Variants in CDK18 observed in about 807,000 individuals in gnomAD.
CDK18 encodes cyclin dependent kinase 18, also known as cyclin-dependent kinase 18.
CDK18 carries 52 observed loss-of-function variants against 62.0 expected under a neutral mutation model. The ratio of observed to expected loss-of-function variants is 0.84; its 90% confidence interval spans 0.67 to 1.06. The LOEUF is 1.06. CDK18 is among the 50% of genes least tolerant of loss of function. The pLI, the probability that CDK18 is intolerant of heterozygous loss-of-function variation, is 0.00. For missense variants in CDK18, 604 were observed against 619.9 expected, an observed-to-expected ratio of 0.97 and a Z score of 0.27; for synonymous variants, 237 against 247.0, an observed-to-expected ratio of 0.96 and a Z score of 0.38.
At chr1:205,526,650 C>T (rs1193189499) in intron 7 of CDK18, 125 bp from the exon 8 acceptor site, 15 of 1,029,480 alleles carry the variant, frequency 1.5e-5, no homozygotes, top group African/African-American at 4.7e-5. Flanking sequence ...TGGCTCGAGC[C>T]AGGGACCTGT....
rs1558783646 is a variant in CDK18 at position 205,527,475 on chromosome 1, ACTCT to A, written c.730-318_730-315del. ...GCCTGGGTGACAGAGTAAAACCCTG[ACTCT>A]AAAAGAAAAAAAAAAAAAAAAGGGA... On this transcript the variant is annotated intron_variant, in intron 8 of 15. Transcript: ENST00000429964. This position sits in a 1 kb window ranked among gnomAD's most constrained non-coding sequence, Gnocchi z 4.1. 3.1e-4 allele frequency: 76 copies of A among 248,124 alleles called. No homozygotes were observed. Among genetic ancestry groups the A allele is most frequent in the African/African-American group, 1.6e-3 (66 of 41,592 alleles). The allele number at this position is 248,124 out of a possible 1,614,324, so 15.4% of individuals were successfully genotyped here. A position where few individuals can be genotyped will look rare whatever the true frequency, so the allele number is the denominator to read the frequency against.
chr1:205,526,182 A>ACAG lies in CDK18; in HGVS notation c.571+6_571+8dup. On this transcript the variant is annotated splice_donor_region_variant and intron_variant, in intron 6 of 15. Coordinates refer to ENST00000429964, the MANE Select transcript of CDK18 (RefSeq NM_212502.3). ...GCCCTGCACTGCCATCCGAGAGGGT[A>ACAG]CAGCATCCTAGGCTCCCACGCTCCC... The ACAG allele has an allele frequency of 6.2e-7, 1 of 1,611,480 alleles. No individual in the cohort carries two copies. The highest frequency in any genetic ancestry group is 1.1e-5 in the South Asian group (1 of 90,954).
intron 1 of CDK18, among the ~76,000 whole-genome samples, chr1:205,511,624 C>T (rs1311614829): frequency 6.6e-6 from 1 of 152,222 alleles, no homozygotes; most frequent in African/African-American, 2.4e-5. Context: ...GGAATAACTA[C>T]TGCTGGTGTT....
intron 13 of CDK18, chr1:205,529,817 T>C: frequency 1.4e-6 from 2 of 1,395,910 alleles, no homozygotes; most frequent in South Asian, 1.3e-5. Flanking sequence ...CATGCCTCAG[T>C]TTCCTCAGCT....
chr1:205,530,836 G>T (rs1388248897), intron 15 of CDK18, 131 bp downstream of exon 15: 6 of 732,260 alleles, frequency 8.2e-6, no homozygotes, highest in Non-Finnish European at 1.4e-5. Context: ...GAGCAGAGAA[G>T]GGGTTGGTTT....
chr1:205,507,719 T>C (rs1667382661), intron 1 of CDK18, among the ~76,000 whole-genome samples: 2 of 150,936 alleles, frequency 1.3e-5, no homozygotes, highest in East Asian at 2.0e-4. Context: ...CTATAGTGGT[T>C]GGTGGTGCTT....
intron 1 of CDK18, among the ~76,000 whole-genome samples, chr1:205,510,076 T>C (rs1307718117): frequency 6.8e-6 from 1 of 147,806 alleles, no homozygotes; most frequent in Non-Finnish European, 1.5e-5. Flanking sequence ...CAAGACTTTG[T>C]CTCAAAAAAA....
At chr1:205,509,776 A>G (rs1667478537) in intron 1 of CDK18, among the ~76,000 whole-genome samples, 1 of 151,956 alleles carries the variant, frequency 6.6e-6, no homozygotes, top group Non-Finnish European at 1.5e-5. Context: ...TGGGAAGAGA[A>G]CTCTATTCTT....
intron 1 of CDK18, among the ~76,000 whole-genome samples, chr1:205,506,003 G>A (rs913264732): frequency 1.3e-5 from 2 of 152,142 alleles, no homozygotes; most frequent in Non-Finnish European, 2.9e-5. Flanking sequence ...AGTGAGCTTC[G>A]GCATGTTCGC....
At chr1:205,526,909 C>G (rs1488164082) in intron 8 of CDK18, 72 bp downstream of exon 8, 7 of 1,247,566 alleles carry the variant, frequency 5.6e-6, no homozygotes, top group Non-Finnish European at 8.3e-6. Context: ...GGGACCCACT[C>G]TCACCACCAG....
intron 1 of CDK18, among the ~76,000 whole-genome samples, chr1:205,519,384 C>A (rs1280245853): frequency 6.6e-6 from 1 of 152,104 alleles, no homozygotes; most frequent in Non-Finnish European, 1.5e-5. Context: ...GAGAGACATC[C>A]ACTCTGCTGT....
chr1:205,526,229 G>A, intron 6 of CDK18, 50 bp downstream of exon 6: 5 of 1,552,410 alleles, frequency 3.2e-6, no homozygotes, highest in Non-Finnish European at 4.4e-6. Context: ...AGGAGGAGGG[G>A]TTCACCAGCC....
intron 1 of CDK18, among the ~76,000 whole-genome samples, chr1:205,506,353 A>G (rs1285845002): frequency 6.6e-6 from 1 of 151,786 alleles, no homozygotes; most frequent in Non-Finnish European, 1.5e-5. Flanking sequence ...TCTGGGGTGT[A>G]CCTGACCATT....
chr1:205,523,418 G>A, intron 2 of CDK18, 65 bp from the exon 3 acceptor site: 2 of 1,599,266 alleles, frequency 1.3e-6, no homozygotes, highest in East Asian at 2.2e-5. Context: ...CTGGGGGAGG[G>A]GGGCTACCCT....
rs567463291 is a variant in CDK18, at chr1:205,526,674, G to C, written c.667-101G>C. The C allele has an allele frequency of 3.7e-4, 445 of 1,189,098 alleles. 1 individual carries two copies. The highest frequency in any genetic ancestry group is 1.4e-3 in the Admixed American group (81 of 59,330). 73.7% of individuals were successfully genotyped at this position (1,189,098 alleles called of 1,614,324 possible). The stretch of plus-strand genomic sequence containing the variant: ...CCAGGGACCTGTCCCACTAGTGGGC[G>C]TGGGCCCTTCCCAGGGAGGGGCTTC... On this transcript the variant is annotated intron_variant, in intron 7 of 15. Coordinates refer to ENST00000429964, the MANE Select transcript of CDK18 (RefSeq NM_212502.3).
At position 205,526,092 on chromosome 1, in the gene CDK18, C is replaced by T. The variant is rs897145600; in HGVS notation, c.484C>T (p.Arg162Cys). The T allele has an allele frequency of 1.1e-5, 18 of 1,613,644 alleles. No individual in the cohort carries two copies. Among genetic ancestry groups the T allele is most frequent in the Middle Eastern group, 1.6e-4 (1 of 6,080 alleles). The change falls in exon 6 of 16, where the codon CGC becomes TGC. Residue 162 changes from arginine to cysteine, a missense_variant. Coordinates refer to ENST00000429964, the MANE Select transcript of CDK18 (RefSeq NM_212502.3). ...CACCTATGCCACAGTCTTCAAAGGG[C>T]GCAGCAAACTGACGGAGAACCTTGT... ...EGTYATVFKG[R>C]SKLTENLVAL...
At chr1:205,518,959 CCTCAGTGGGA>C (rs925543974) in intron 1 of CDK18, among the ~76,000 whole-genome samples, 3 of 152,162 alleles carry the variant, frequency 2.0e-5, no homozygotes, top group African/African-American at 7.2e-5. Context: ...CCCTGCAGCT[CCTCAGTGGGA>C]CTCTGCTCCT....
chr1:205,523,542 A>C lies in CDK18; in HGVS notation c.190A>C (p.Thr64Pro). Residue 64 changes from threonine to proline, a missense_variant, in exon 3 of 16, where the codon ACA becomes CCA. Coordinates refer to ENST00000429964, the MANE Select transcript of CDK18 (RefSeq NM_212502.3). ...GCAGGAGTGCAGCACCTTCTCCCCA[A>C]CAGACAGCGGGGAGGAGCCGGGGCA... is the stretch of plus-strand genomic sequence containing the variant. ...PPQECSTFSP[T>P]DSGEEPGQLS... The C allele has an allele frequency of 6.2e-7, 1 of 1,606,688 alleles. No homozygotes were observed. Among genetic ancestry groups the C allele is most frequent in the Non-Finnish European group, 8.5e-7 (1 of 1,177,090 alleles).
At chr1:205,523,125 C>T in intron 1 of CDK18, 22 bp from the exon 2 acceptor site, 1 of 1,567,752 alleles carries the variant, frequency 6.4e-7, no homozygotes, top group Non-Finnish European at 8.7e-7. Context: ...TTCAACTGCT[C>T]TTCTCACACT....
Sources: allele counts gnomAD v4.1 joint callset (sites outside exome capture counted in the v4.1 genomes callset), GRCh38; gene constraint gnomAD v4.1.1; non-coding constraint Gnocchi (gnomAD v3.1); transcripts MANE v1.5; gene names NCBI Gene and HGNC (gene_info 2026-07-23, HGNC 2026-07-21).